Variants in CBFA2T3 observed in about 807,000 individuals in gnomAD.
CBFA2T3 encodes the protein transcriptional corepressor CBFA2T3.
In CBFA2T3, 31 loss-of-function variants were observed where a neutral mutation model predicts 58.6. That is an observed-to-expected ratio of 0.53 (90% CI 0.40 to 0.71). The LOEUF (loss-of-function observed/expected upper bound fraction) is 0.71. CBFA2T3 is among the 30% of genes least tolerant of loss of function. CBFA2T3 has a pLI of 0.00. For synonymous variants in CBFA2T3, 531 were observed against 421.9 expected (o/e 1.26, Z -3.17); for missense variants, 1,076 against 963.1 (o/e 1.12, Z -1.55).
intron 2 of CBFA2T3, among the ~76,000 whole-genome samples, chr16:88,899,705 T>C (rs1301724630): frequency 6.6e-6 from 1 of 152,116 alleles, no homozygotes; most frequent in Non-Finnish European, 1.5e-5. Context: ...GACGCACCCT[T>C]GAGGGTCTGG....
intron 1 of CBFA2T3, among the ~76,000 whole-genome samples, chr16:88,972,697 G>A (rs1389710253): frequency 6.6e-6 from 1 of 152,226 alleles, no homozygotes; most frequent in Admixed American, 6.5e-5. Context: ...AGAGCCTGCT[G>A]TGTGCCTCTC....
intron 1 of CBFA2T3, among the ~76,000 whole-genome samples, chr16:88,972,255 T>C (rs1972673809): frequency 1.3e-5 from 2 of 152,080 alleles, no homozygotes; most frequent in African/African-American, 4.8e-5. Flanking sequence ...CCTGGAAAGC[T>C]GGCTGCACCT....
chr16:88,882,622 G>A lies in CBFA2T3; in HGVS notation c.1203+54C>T, dbSNP rs1412019329. The A allele has an allele frequency of 1.3e-4, 146 of 1,161,600 alleles. 1 individual carries two copies. In the South Asian group the frequency reaches 1.5e-3, roughly 12 times the overall value. 72.0% of individuals were successfully genotyped at this position (1,161,600 alleles called of 1,614,324 possible). A position where few individuals can be genotyped will look rare whatever the true frequency, so the allele number is the denominator to read the frequency against. On this transcript the variant is annotated intron_variant, in intron 8 of 11. Transcript: ENST00000268679. Reference sequence around the variant, plus strand: ...TGTGTGTGCGTGGCTGTGTGTGTGCGTGGCTGTGCGCCTGGGCATGGCTGT... The same window carrying A: ...TGTGTGTGCGTGGCTGTGTGTGTGCATGGCTGTGCGCCTGGGCATGGCTGT...
intron 1 of CBFA2T3, among the ~76,000 whole-genome samples, chr16:88,929,811 A>G (rs9921384): frequency 0.07 from 4,557 of 64,718 alleles, 44 homozygotes; most frequent in Middle Eastern, 0.18. Context: ...CATGGTCCAC[A>G]CAAAAGCTAC....
At chr16:88,900,491 G>A (rs755902924) in intron 2 of CBFA2T3, among the ~76,000 whole-genome samples, 2 of 152,246 alleles carry the variant, frequency 1.3e-5, no homozygotes, top group Non-Finnish European at 1.5e-5. Flanking sequence ...GAGGACAGTC[G>A]TGACGTAAAG....
At chr16:88,933,816 G>A (rs1259122643) in intron 1 of CBFA2T3, among the ~76,000 whole-genome samples, 3 of 151,952 alleles carry the variant, frequency 2.0e-5, no homozygotes, top group East Asian at 3.9e-4. Flanking sequence ...TTCATGCCAC[G>A]CGTATGTGAC....
chr16:88,912,917 C>CT (rs1970576076), intron 1 of CBFA2T3, among the ~76,000 whole-genome samples: 2 of 152,352 alleles, frequency 1.3e-5, no homozygotes, highest in Admixed American at 6.5e-5. Context: ...GAATAAGGAG[C>CT]TAATTGAGTC....
intron 1 of CBFA2T3, among the ~76,000 whole-genome samples, chr16:88,927,988 G>T (rs1357102369): frequency 6.6e-6 from 1 of 152,204 alleles, no homozygotes; most frequent in African/African-American, 2.4e-5. Context: ...CCTCACGGAG[G>T]CCTCTGTCCA....
chr16:88,952,583 T>C (rs1240613852), intron 1 of CBFA2T3, among the ~76,000 whole-genome samples: 2 of 151,988 alleles, frequency 1.3e-5, no homozygotes, highest in Non-Finnish European at 2.9e-5. Context: ...GGGTGCCTGC[T>C]GCTCGCCCCC....
intron 1 of CBFA2T3, among the ~76,000 whole-genome samples, chr16:88,974,981 C>T (rs948131083): frequency 4.6e-5 from 7 of 152,166 alleles, no homozygotes; most frequent in Admixed American, 1.3e-4. Flanking sequence ...GGTGGTTGCA[C>T]GGACAGAAGC....
At chr16:88,911,918 G>T (rs1381793216) in intron 1 of CBFA2T3, among the ~76,000 whole-genome samples, 1 of 152,254 alleles carries the variant, frequency 6.6e-6, no homozygotes, top group African/African-American at 2.4e-5. Flanking sequence ...AAGCTCTGTT[G>T]CCCAGAGTTG....
At position 88,965,693 on chromosome 16, in the gene CBFA2T3, T is replaced by G. The variant is rs567157211; in HGVS notation, c.151+10964A>C. Among the ~76,000 whole-genome samples the G allele has an allele frequency of 2.0e-5, 3 of 152,342 alleles. No individual in the cohort carries two copies. The South Asian group carries it at 6.2e-4, about 32-fold the overall frequency. On this transcript the variant is annotated intron_variant, in intron 1 of 11. Coordinates refer to ENST00000268679, the MANE Select transcript of CBFA2T3 (RefSeq NM_005187.6). ...TAACAACGTCTTGTCCACAGATACCTGTCATGTTTGAAAACCTCTCTAGTG... is the reference window on the plus strand; with the variant it reads ...TAACAACGTCTTGTCCACAGATACCGGTCATGTTTGAAAACCTCTCTAGTG...
At chr16:88,896,628 G>A (rs904272507) in intron 3 of CBFA2T3, among the ~76,000 whole-genome samples, 1 of 152,146 alleles carries the variant, frequency 6.6e-6, no homozygotes, top group Admixed American at 6.5e-5. Flanking sequence ...AGCCACTTGC[G>A]GTCACCCAGC....
At position 88,929,908 on chromosome 16, in the gene CBFA2T3, G is replaced by A. The variant is rs1012881809; in HGVS notation, c.152-28252C>T. On this transcript the variant is annotated intron_variant, in intron 1 of 11. Coordinates refer to ENST00000268679, the MANE Select transcript of CBFA2T3 (RefSeq NM_005187.6). ...GCAAAAGTCACCAATACCCACAGCTGCATCGTCCACGCAAAAGCTACCAAT... is the reference window on the plus strand; with the variant it reads ...GCAAAAGTCACCAATACCCACAGCTACATCGTCCACGCAAAAGCTACCAAT... Among the ~76,000 whole-genome samples the A allele has an allele frequency of 2.7e-4, 39 of 146,860 alleles. 4 individuals carry two copies. Among genetic ancestry groups the A allele is most frequent in the African/African-American group, 8.2e-4 (30 of 36,764 alleles).
intron 1 of CBFA2T3, among the ~76,000 whole-genome samples, chr16:88,917,650 C>T (rs1010496613): frequency 2.6e-5 from 4 of 152,178 alleles, no homozygotes; most frequent in East Asian, 1.9e-4. Flanking sequence ...CAGCCACTGC[C>T]GGTGTGGACG....
chr16:88,975,961 A>T (rs996724698), intron 1 of CBFA2T3, among the ~76,000 whole-genome samples: 3 of 152,202 alleles, frequency 2.0e-5, no homozygotes, highest in Admixed American at 6.5e-5. Flanking sequence ...TGTGGCCACG[A>T]GGGCCACTGG....
chr16:88,912,666 A>G (rs922936620), intron 1 of CBFA2T3, among the ~76,000 whole-genome samples: 5 of 152,214 alleles, frequency 3.3e-5, no homozygotes, highest in African/African-American at 7.2e-5. Context: ...GGCCCTGAAC[A>G]GCACCTGGCA....
At chr16:88,906,058 C>T (rs1363262377) in intron 1 of CBFA2T3, among the ~76,000 whole-genome samples, 1 of 152,128 alleles carries the variant, frequency 6.6e-6, no homozygotes, top group East Asian at 1.9e-4. Flanking sequence ...TGAGGCCGTG[C>T]GCAGCAGGGG....
At chr16:88,916,225 T>C (rs1280499989) in intron 1 of CBFA2T3, among the ~76,000 whole-genome samples, 2 of 124,700 alleles carry the variant, frequency 1.6e-5, no homozygotes, top group African/African-American at 3.5e-5. Context: ...CATATACATG[T>C]GGGTGTGTGT....
Sources: allele counts gnomAD v4.1 joint callset (sites outside exome capture counted in the v4.1 genomes callset), GRCh38; gene constraint gnomAD v4.1.1; transcripts MANE v1.5; gene names NCBI Gene and HGNC (gene_info 2026-07-23, HGNC 2026-07-21).